Variants in ADAMTSL3 observed in about 807,000 individuals in gnomAD.
The protein encoded by ADAMTSL3 is ADAMTS-like protein 3.
In ADAMTSL3, 128 loss-of-function variants were observed where a neutral mutation model predicts 201.7. The ratio of observed to expected loss-of-function variants is 0.63; its 90% CI spans 0.55 to 0.73. The LOEUF (loss-of-function observed/expected upper bound fraction) is 0.73, where lower values mean the gene tolerates loss of function less well. Among genes scored for constraint, ADAMTSL3 ranks in the 30% least tolerant of loss-of-function variants. The pLI is 0.00. For synonymous variants in ADAMTSL3, 738 were observed against 748.4 expected (o/e 0.99, Z 0.23); for missense variants, 1,990 against 2,119.6 (o/e 0.94, Z 1.20).
intron 19 of ADAMTSL3, among the ~76,000 whole-genome samples, chr15:83,956,457 G>A (rs1049876196): frequency 2.6e-5 from 4 of 152,202 alleles, no homozygotes; most frequent in Non-Finnish European, 5.9e-5. Flanking sequence ...TAGTTTTCCT[G>A]TGGTAGTGGG....
intron 17 of ADAMTSL3, among the ~76,000 whole-genome samples, chr15:83,939,766 C>T (rs376146683): frequency 3.0e-4 from 46 of 152,044 alleles, no homozygotes; most frequent in African/African-American, 9.9e-4. Flanking sequence ...GGATTACAGG[C>T]GTGCACCACC....
intron 2 of ADAMTSL3, among the ~76,000 whole-genome samples, chr15:83,656,649 C>T (rs1441722405): frequency 6.6e-6 from 1 of 152,190 alleles, no homozygotes; most frequent in Non-Finnish European, 1.5e-5. Context: ...AGGCAGGGCA[C>T]ATCTTAGTAT....
intron 14 of ADAMTSL3, among the ~76,000 whole-genome samples, chr15:83,898,466 A>G (rs1241713852): frequency 6.6e-6 from 1 of 152,182 alleles, no homozygotes; most frequent in East Asian, 1.9e-4. Flanking sequence ...CCGCTGGAGT[A>G]TAAGATTTTT....
At chr15:83,813,963 G>A (rs993493432) in intron 5 of ADAMTSL3, among the ~76,000 whole-genome samples, 4 of 152,200 alleles carry the variant, frequency 2.6e-5, no homozygotes, top group Non-Finnish European at 5.9e-5. Context: ...GGCAATGCTG[G>A]AAGAGGCAAA....
rs547065542 is a variant in ADAMTSL3, at chr15:83,696,652, C to T, written c.70-7737C>T. Among the ~76,000 whole-genome samples, 21 of 152,214 alleles carry T rather than the reference C, an allele frequency of 1.4e-4. No homozygotes were observed. The South Asian group carries it at 1.5e-3, about 11-fold the overall frequency. ...CTTGAATCCTTAGTGGCCAAGATGA[C>T]GACATGTCAAATGAGGAACTATAAT... On this transcript the variant is annotated intron_variant, in intron 2 of 29. Transcript: ENST00000286744.
At chr15:83,890,045 A>T in intron 10 of ADAMTSL3, 64 bp from the exon 11 acceptor site, 2 of 1,534,654 alleles carry the variant, frequency 1.3e-6, no homozygotes, top group Non-Finnish European at 1.8e-6. Flanking sequence ...GTGGCAAGTG[A>T]TAACTCTGCC....
At chr15:83,970,737 G>A (rs2067181932) in intron 20 of ADAMTSL3, 100 bp downstream of exon 20, 1 of 1,459,416 alleles carries the variant, frequency 6.9e-7, no homozygotes, top group Admixed American at 1.9e-5. Context: ...CTAATCTGTG[G>A]GTAAGGCAAC....
intron 28 of ADAMTSL3, among the ~76,000 whole-genome samples, chr15:84,032,934 A>G (rs1428884735): frequency 6.6e-6 from 1 of 152,182 alleles, no homozygotes; most frequent in Non-Finnish European, 1.5e-5. Context: ...TATGCCAGCA[A>G]TATGTGAGAG....
intron 26 of ADAMTSL3, among the ~76,000 whole-genome samples, chr15:84,024,912 T>C (rs2068275024): frequency 6.6e-6 from 1 of 152,226 alleles, no homozygotes; most frequent in African/African-American, 2.4e-5. Context: ...TTCAGTGAGT[T>C]GAACTCCACC....
intron 3 of ADAMTSL3, among the ~76,000 whole-genome samples, chr15:83,747,528 T>C (rs1265200690): frequency 6.6e-6 from 1 of 152,126 alleles, no homozygotes; most frequent in Non-Finnish European, 1.5e-5. Context: ...TCTCACCATT[T>C]CAGAGCAGTA....
intron 7 of ADAMTSL3, among the ~76,000 whole-genome samples, chr15:83,856,725 G>T (rs567626436): frequency 1.1e-3 from 164 of 152,232 alleles, no homozygotes; most frequent in South Asian, 5.6e-3. Context: ...CAGATACTTA[G>T]GTTGTTTCTT....
intron 2 of ADAMTSL3, among the ~76,000 whole-genome samples, chr15:83,681,709 G>A (rs1287642598): frequency 6.6e-6 from 1 of 152,132 alleles, no homozygotes; most frequent in Non-Finnish European, 1.5e-5. Context: ...CATTGGATGT[G>A]GTCGACTTGC....
chr15:83,959,822 A>G (rs2066929022), intron 19 of ADAMTSL3, among the ~76,000 whole-genome samples: 1 of 152,202 alleles, frequency 6.6e-6, no homozygotes, highest in Non-Finnish European at 1.5e-5. Flanking sequence ...ACATTCTCTG[A>G]TGGCATGCTT....
chr15:83,777,389 C>T (rs1266217064), intron 4 of ADAMTSL3, among the ~76,000 whole-genome samples: 2 of 152,200 alleles, frequency 1.3e-5, no homozygotes, highest in African/African-American at 2.4e-5. Context: ...AGTCCAAAAA[C>T]ATTTTGGCCC....
chr15:83,927,525 C>T (rs568886147), intron 17 of ADAMTSL3, among the ~76,000 whole-genome samples: 1 of 152,280 alleles, frequency 6.6e-6, no homozygotes, highest in East Asian at 1.9e-4. Context: ...AAAATCACTG[C>T]CCTAAGTCTC....
At chr15:83,822,116 C>T (rs1177958144) in intron 6 of ADAMTSL3, among the ~76,000 whole-genome samples, 3 of 146,954 alleles carry the variant, frequency 2.0e-5, no homozygotes, top group East Asian at 2.1e-4. Context: ...GGCGCCTGGC[C>T]GGGCGGGGGG....
chr15:83,903,443 T>C (rs2065766489), intron 15 of ADAMTSL3, among the ~76,000 whole-genome samples: 1 of 152,032 alleles, frequency 6.6e-6, no homozygotes, highest in African/African-American at 2.4e-5. Flanking sequence ...TCCCTCCCAC[T>C]AGACTCTAGT....
intron 6 of ADAMTSL3, among the ~76,000 whole-genome samples, chr15:83,822,614 G>A (rs376303152): frequency 2.0e-4 from 30 of 150,966 alleles, no homozygotes; most frequent in Admixed American, 3.9e-4. Flanking sequence ...GGGCAGAGAC[G>A]CTCCTCACTT....
At chr15:83,674,750 TATAC>T in intron 2 of ADAMTSL3, among the ~76,000 whole-genome samples, 1 of 112,688 alleles carries the variant, frequency 8.9e-6, no homozygotes, top group Admixed American at 8.8e-5. Context: ...TATATACATA[TATAC>T]ACACATATAT....
Sources: gnomAD v4.1 joint callset for allele counts (sites outside exome capture counted in the v4.1 genomes callset) on GRCh38, gnomAD v4.1.1 for gene constraint, MANE v1.5 for transcripts, NCBI Gene and HGNC (gene_info 2026-07-23, HGNC 2026-07-21) for gene names.